GRM7: variants seen among roughly 807,000 people sequenced by gnomAD.
GRM7 encodes the protein metabotropic glutamate receptor 7.
In GRM7, 35 loss-of-function variants were observed where a neutral mutation model predicts 84.5. That is an observed-to-expected ratio of 0.41 (90% CI 0.32 to 0.55). GRM7 has a LOEUF of 0.55. Ranked by LOEUF, GRM7 falls within the 20% of genes least tolerant of loss-of-function variation. GRM7 has a pLI of 0.19. For synonymous variants in GRM7, 487 were observed against 455.1 expected (o/e 1.07, Z -0.89); for missense variants, 1,003 against 1,194.6 (o/e 0.84, Z 2.36).
At chr3:7,065,881 T>C (rs898603334) in intron 1 of GRM7, among the ~76,000 whole-genome samples, 3 of 151,852 alleles carry the variant, frequency 2.0e-5, no homozygotes, top group Non-Finnish European at 4.4e-5. Flanking sequence ...AAAGGAACCT[T>C]CATAATCATG....
chr3:7,710,928 T>G (rs1418871736), intron 9 of GRM7, among the ~76,000 whole-genome samples: 2 of 152,212 alleles, frequency 1.3e-5, no homozygotes, highest in Non-Finnish European at 2.9e-5. Context: ...AGCACTTCGC[T>G]TAGAGTCACG....
chr3:7,437,093 T>C (rs1448541545), intron 5 of GRM7, among the ~76,000 whole-genome samples: 3 of 152,210 alleles, frequency 2.0e-5, no homozygotes, highest in Non-Finnish European at 2.9e-5. Context: ...TCATTTTTGT[T>C]TTCTAGATAA....
intron 4 of GRM7, among the ~76,000 whole-genome samples, chr3:7,343,865 C>G (rs1692765247): frequency 1.3e-5 from 2 of 152,014 alleles, no homozygotes; most frequent in Non-Finnish European, 2.9e-5. Context: ...CACGATATTC[C>G]TTCATATTTC....
At chr3:7,460,125 A>C (rs987526048) in intron 6 of GRM7, among the ~76,000 whole-genome samples, 1 of 150,356 alleles carries the variant, frequency 6.7e-6, no homozygotes, top group African/African-American at 2.4e-5. Flanking sequence ...AAAAAAAAAA[A>C]AAAAGATGCC....
chr3:7,481,809 A>G (rs997713981), intron 7 of GRM7, among the ~76,000 whole-genome samples: 1 of 152,204 alleles, frequency 6.6e-6, no homozygotes, highest in Non-Finnish European at 1.5e-5. Flanking sequence ...TCTGTCCTCA[A>G]CGATGCAAAC....
Position 7,385,553 on chromosome 3 carries a change from G to A in GRM7, c.1034-29470G>A, listed in dbSNP as rs1295999294. 3.3e-5 allele frequency among the ~76,000 whole-genome samples: 5 copies of A among 151,928 alleles called. 1 individual carries two copies. Among genetic ancestry groups the A allele is most frequent in the Admixed American group, 3.3e-4 (5 of 15,234 alleles). On this transcript the variant is annotated intron_variant, in intron 4 of 9. Coordinates refer to ENST00000357716, the MANE Select transcript of GRM7 (RefSeq NM_000844.4). ...CTGACCTCGTGATCCACGCACCTCG[G>A]CCTCCGAAAGTGCTGGGATTACAGG...
chr3:7,680,028 C>T (rs764147855), intron 8 of GRM7, 21 bp from the exon 9 acceptor site: 55 of 1,612,636 alleles, frequency 3.4e-5, no homozygotes, highest in Non-Finnish European at 4.4e-5. Flanking sequence ...GTAATAGTGC[C>T]TTGTGTGTTG....
chr3:7,179,643 T>A (rs565624515), intron 2 of GRM7, among the ~76,000 whole-genome samples: 1 of 152,344 alleles, frequency 6.6e-6, no homozygotes, highest in East Asian at 1.9e-4. Context: ...TGACCTCTCC[T>A]GCCCTACAGA....
chr3:7,003,980 TG>T (rs1695098325), intron 1 of GRM7, among the ~76,000 whole-genome samples: 1 of 152,174 alleles, frequency 6.6e-6, no homozygotes. Flanking sequence ...TAGCTGTGGT[TG>T]CAGGAGGGAG....
intron 7 of GRM7, chr3:7,559,083 A>C (rs887694902): frequency 6.6e-6 from 1 of 152,320 alleles, no homozygotes; most frequent in Non-Finnish European, 1.5e-5. Flanking sequence ...GCAGGTTGGC[A>C]AGAAAGATTG....
chr3:6,930,913 G>C (rs1355435864), intron 1 of GRM7, among the ~76,000 whole-genome samples: 1 of 152,122 alleles, frequency 6.6e-6, no homozygotes, highest in Non-Finnish European at 1.5e-5. Context: ...CTTCCCACCT[G>C]GTCATTTTTC....
At position 7,305,451 on chromosome 3, in the gene GRM7, C is replaced by T. The variant is rs1374388725; in HGVS notation, c.879-1047C>T. 3.8e-5 allele frequency among the ~76,000 whole-genome samples: 3 copies of T among 78,608 alleles called. 1 individual carries two copies. The highest frequency in any genetic ancestry group is 6.5e-5 in the Non-Finnish European group (2 of 30,798). 51.6% of individuals were successfully genotyped at this position (78,608 alleles called of 152,430 possible). The stretch of plus-strand genomic sequence containing the variant: ...CATGCTGGTGCGCTGCACCCACTAA[C>T]GTGTCATCTAGCATTAGGTATATCT... On this transcript the variant is annotated intron_variant, in intron 3 of 9. Coordinates refer to ENST00000357716, the MANE Select transcript of GRM7 (RefSeq NM_000844.4).
At chr3:7,195,619 C>A (rs1695852693) in intron 2 of GRM7, among the ~76,000 whole-genome samples, 1 of 151,912 alleles carries the variant, frequency 6.6e-6, no homozygotes, top group Non-Finnish European at 1.5e-5. Context: ...CCAGTATAAT[C>A]TTTAAAGCAG....
chr3:6,918,072 T>C (rs1697003779), intron 1 of GRM7, among the ~76,000 whole-genome samples: 1 of 152,198 alleles, frequency 6.6e-6, no homozygotes, highest in Non-Finnish European at 1.5e-5. Context: ...TTGCTTTTAA[T>C]GAAAGCTTTG....
intron 7 of GRM7, among the ~76,000 whole-genome samples, chr3:7,511,177 C>G (rs975065480): frequency 2.0e-5 from 3 of 152,224 alleles, no homozygotes; most frequent in Admixed American, 6.5e-5. Context: ...AAAAAGTGAG[C>G]CTGAGGAGCT....
intron 1 of GRM7, among the ~76,000 whole-genome samples, chr3:6,913,498 C>T (rs1696841937): frequency 6.6e-6 from 1 of 152,134 alleles, no homozygotes. Context: ...TGTGAAAATA[C>T]TTACCAGGGA....
chr3:7,626,847 C>A (rs1341983315), intron 8 of GRM7, among the ~76,000 whole-genome samples: 1 of 151,522 alleles, frequency 6.6e-6, no homozygotes, highest in Non-Finnish European at 1.5e-5. Flanking sequence ...TAAAAAAGAT[C>A]AAATATTTTG....
At chr3:6,995,790 A>T (rs953981165) in intron 1 of GRM7, among the ~76,000 whole-genome samples, 6 of 152,230 alleles carry the variant, frequency 3.9e-5, no homozygotes, top group African/African-American at 1.2e-4. Flanking sequence ...CCACAGAAGT[A>T]GTACCAAGAG....
chr3:7,653,180 C>CATTTTT (rs1440978783), intron 8 of GRM7, among the ~76,000 whole-genome samples: 15 of 89,520 alleles, frequency 1.7e-4, no homozygotes, highest in African/African-American at 7.6e-4. Context: ...ATACTATATC[C>CATTTTT]TTTTTTTTTT....
Sources: gnomAD v4.1 joint callset for allele counts (sites outside exome capture counted in the v4.1 genomes callset) on GRCh38, gnomAD v4.1.1 for gene constraint, MANE v1.5 for transcripts, NCBI Gene and HGNC (gene_info 2026-07-23, HGNC 2026-07-21) for gene names.